Variants in CDH23 observed in about 807,000 individuals in gnomAD.
The protein encoded by CDH23 is cadherin-23.
A neutral mutation model predicts 317.1 loss-of-function variants in CDH23; 189 were observed. The ratio of observed to expected loss-of-function variants is 0.60; its 90% CI spans 0.53 to 0.67. CDH23 has a LOEUF of 0.67. Among genes scored for constraint, CDH23 ranks in the 30% least tolerant of loss-of-function variants. CDH23 has a pLI of 0.00. For missense variants in CDH23, 4,401 were observed against 4,592.4 expected, an observed-to-expected ratio of 0.96 and a Z score of 1.20; for synonymous variants, 1,839 against 1,876.8, an observed-to-expected ratio of 0.98 and a Z score of 0.52.
chr10:71,534,952 C>A (rs1445724363), intron 6 of CDH23, among the ~76,000 whole-genome samples: 1 of 152,216 alleles, frequency 6.6e-6, no homozygotes, highest in African/African-American at 2.4e-5. Context: ...TCATTCCTGG[C>A]CTGATGCCTG....
At chr10:71,696,481 C>G (rs1463165300) in intron 22 of CDH23, among the ~76,000 whole-genome samples, 1 of 152,230 alleles carries the variant, frequency 6.6e-6, no homozygotes, top group African/African-American at 2.4e-5. Context: ...CCCAAGGTCC[C>G]AAAGCTAGTA....
chr10:71,458,499 A>T (rs1850810030), intron 3 of CDH23, among the ~76,000 whole-genome samples: 1 of 152,254 alleles, frequency 6.6e-6, no homozygotes, highest in South Asian at 2.1e-4. Flanking sequence ...GGACAACCTC[A>T]TAGGGAGCTA....
intron 6 of CDH23, among the ~76,000 whole-genome samples, chr10:71,524,579 A>G (rs994881898): frequency 3.3e-5 from 5 of 152,148 alleles, no homozygotes; most frequent in African/African-American, 9.7e-5. Flanking sequence ...CTTGCCCACC[A>G]AAGATGGCCA....
At position 71,617,355 on chromosome 10, in the gene CDH23, G is replaced by A. The variant is rs143282422; in HGVS notation, c.1096G>A (p.Ala366Thr). The change falls in exon 11 of 70, where the codon GCC becomes ACC. Residue 366 changes from alanine to threonine, a missense_variant. Ala to Thr is a moderately conservative substitution (Grantham distance 58). Around this residue, in one of 3 missense-constraint regions of CDH23, gnomAD observed 3,068 missense variants for 3,203.3 expected, o/e 0.96. Coordinates refer to ENST00000224721, the MANE Select transcript of CDH23 (RefSeq NM_022124.6). ...CACTGAGCTGGCACAGGTCGGCTTTGCCCTTCCACTCTTCATCCAGGTGGT... is the reference window on the plus strand; with the variant it reads ...CACTGAGCTGGCACAGGTCGGCTTTACCCTTCCACTCTTCATCCAGGTGGT... ...AITELAQVGF[A>T]LPLFIQVVDK... The A allele has an allele frequency of 9.2e-3, 14,904 of 1,613,862 alleles. 135 individuals are homozygous for A. Among genetic ancestry groups the A allele is most frequent in the Non-Finnish European group, 0.01 (11,931 of 1,179,880 alleles).
chr10:71,485,731 G>A (rs1159892728), intron 3 of CDH23, among the ~76,000 whole-genome samples: 1 of 152,218 alleles, frequency 6.6e-6, no homozygotes, highest in Non-Finnish European at 1.5e-5. Flanking sequence ...GATGGGCGTG[G>A]TTGCCAGGTA....
chr10:71,806,031 T>TGGGG, intron 56 of CDH23, 34 bp downstream of exon 56: 1 of 468,382 alleles, frequency 2.1e-6, no homozygotes, highest in Non-Finnish European at 3.6e-6. Flanking sequence ...GGGCGGGGTC[T>TGGGG]GGGGCGGGGC....
In CDH23 at chr10:71,721,423, G is replaced by A. The variant is rs533994085; in HGVS notation, c.3370-2622G>A. On this transcript the variant is annotated intron_variant, in intron 28 of 69. Coordinates refer to ENST00000224721, the MANE Select transcript of CDH23 (RefSeq NM_022124.6). The stretch of plus-strand genomic sequence containing the variant: ...CCCCATGCTAGGCACCAGCCAAGAC[G>A]CTTTGCAAGATGACTTCTGATCTTC... Among the ~76,000 whole-genome samples, 110 of 152,284 alleles carry A rather than the reference G, an allele frequency of 7.2e-4. 1 individual carries two copies. Among genetic ancestry groups the A allele is most frequent in the African/African-American group, 2.6e-3 (108 of 41,546 alleles).
intron 1 of CDH23, among the ~76,000 whole-genome samples, chr10:71,438,835 C>T (rs922178480): frequency 3.3e-5 from 5 of 152,188 alleles, no homozygotes; most frequent in Non-Finnish European, 2.9e-5. Context: ...GAACACGCCC[C>T]AGGCCAGATG....
At chr10:71,489,594 GGTGTGTGTGTGTGTGT>G (rs34392048) in intron 3 of CDH23, among the ~76,000 whole-genome samples, 3 of 139,882 alleles carry the variant, frequency 2.1e-5, no homozygotes, top group Non-Finnish European at 4.6e-5. Context: ...AGTGCCTCGG[GGTGTGTGTGTGTGTGT>G]GTGTGTGTGT....
intron 3 of CDH23, among the ~76,000 whole-genome samples, chr10:71,507,239 G>A (rs1853693046): frequency 6.6e-6 from 1 of 152,186 alleles, no homozygotes; most frequent in South Asian, 2.1e-4. Flanking sequence ...TCCCCATCTG[G>A]AATCTGCCCA....
rs375463363 is a variant in CDH23 at position 71,801,444 on chromosome 10, G to A, written c.7482+689G>A. Among the ~76,000 whole-genome samples the A allele has an allele frequency of 3.0e-4, 45 of 151,950 alleles. No individual in the cohort carries two copies. The East Asian group carries it at 4.1e-3, about 14-fold the overall frequency. ...GCTGGGATTATAGATGTGAGCCACC[G>A]AGCCCGGCCTATTTATGTCTCTTAA... On this transcript the variant is annotated intron_variant, in intron 53 of 69. Coordinates refer to ENST00000224721, the MANE Select transcript of CDH23 (RefSeq NM_022124.6).
chr10:71,712,774 C>G lies in CDH23; in HGVS notation c.3330C>G (p.Ser1110Arg), dbSNP rs371962929. 23 of 1,613,032 alleles carry G rather than the reference C, an allele frequency of 1.4e-5. No individual in the cohort carries two copies. In the East Asian group the frequency reaches 4.9e-4, roughly 34 times the overall value. The change falls in exon 28 of 70, where the codon AGC becomes AGG. Residue 1110 changes from serine to arginine, a missense_variant. By Grantham distance (110) the Ser-to-Arg change is moderately radical. Transcript: ENST00000224721. ...TTCTGCAGAGCAGCTATGAGGCCAG[C>G]GTCCCTGAGGACATCCCTGAAGGCC... is the stretch of plus-strand genomic sequence containing the variant. ...PIFLQSSYEA[S>R]VPEDIPEGHS...
intron 6 of CDH23, among the ~76,000 whole-genome samples, chr10:71,530,034 GACACACACAC>G (rs57652121): frequency 8.5e-5 from 12 of 140,832 alleles, no homozygotes; most frequent in East Asian, 2.1e-4. Context: ...CACACATACA[GACACACACAC>G]ACACACACAC....
chr10:71,663,311 G>A (rs771820820), intron 14 of CDH23, among the ~76,000 whole-genome samples: 4 of 152,046 alleles, frequency 2.6e-5, no homozygotes, highest in South Asian at 2.1e-4. Flanking sequence ...TTTTCTCTCC[G>A]TGCCCCGACC....
chr10:71,812,443 T>TGCCAC, intron 66 of CDH23, 37 bp from the exon 67 acceptor site: 2 of 1,538,010 alleles, frequency 1.3e-6, no homozygotes, highest in Non-Finnish European at 1.8e-6. Flanking sequence ...ACTCGAGCCT[T>TGCCAC]CCCTCCCTCC....
At chr10:71,630,623 C>T (rs1438983527) in intron 11 of CDH23, among the ~76,000 whole-genome samples, 1 of 152,156 alleles carries the variant, frequency 6.6e-6, no homozygotes, top group Non-Finnish European at 1.5e-5. Flanking sequence ...TGATGGAATC[C>T]GTAGGTTAGC....
chr10:71,662,148 G>A (rs1171670112), intron 14 of CDH23, among the ~76,000 whole-genome samples: 5 of 151,902 alleles, frequency 3.3e-5, no homozygotes, highest in Non-Finnish European at 2.9e-5. Context: ...ACCTGCGGGC[G>A]GAGTGACGGA....
At chr10:71,612,227 AGTGT>A (rs112383786) in intron 9 of CDH23, among the ~76,000 whole-genome samples, 8 of 149,186 alleles carry the variant, frequency 5.4e-5, no homozygotes, top group African/African-American at 1.5e-4. Context: ...GTGAAAAAGA[AGTGT>A]GTGTGTGTGT....
chr10:71,518,104 A>T (rs1322161083), intron 6 of CDH23, among the ~76,000 whole-genome samples: 3 of 152,028 alleles, frequency 2.0e-5, no homozygotes, highest in African/African-American at 7.3e-5. Flanking sequence ...TATTTAAATA[A>T]TATCTTCTGT....
Sources: gnomAD v4.1 joint callset for allele counts (sites outside exome capture counted in the v4.1 genomes callset) on GRCh38, gnomAD v4.1.1 for gene constraint, gnomAD v4.1.1 regional missense constraint, MANE v1.5 for transcripts, NCBI Gene and HGNC (gene_info 2026-07-23, HGNC 2026-07-21) for gene names.